NRROS: variants seen among roughly 807,000 people sequenced by gnomAD.
NRROS encodes transforming growth factor beta activator LRRC33.
NRROS carries 6 observed loss-of-function variants against 12.0 expected under a neutral mutation model. The observed-to-expected ratio is 0.50, with a 90% CI of 0.27 to 0.98. NRROS has a LOEUF of 0.98. Ranked by LOEUF, NRROS falls within the 50% of genes least tolerant of loss-of-function variation. The pLI, the probability that NRROS is intolerant of heterozygous loss-of-function variation, is 0.11. For synonymous variants in NRROS, 462 were observed against 410.2 expected (o/e 1.13, Z -1.53); for missense variants, 857 against 888.2 (o/e 0.96, Z 0.45).
In NRROS at chr3:196,654,167, G is replaced by C. The variant is rs1388414578; in HGVS notation, c.-13-360G>C. Among the ~76,000 whole-genome samples, 1 of 152,162 alleles carries C rather than the reference G, an allele frequency of 6.6e-6. No homozygotes were observed. Among genetic ancestry groups the C allele is most frequent in the African/African-American group, 2.4e-5 (1 of 41,442 alleles). Reference sequence around the variant, plus strand: ...GGATGCATCAGACCGATTGGAGCTGGAGGCAGGAAAACTTCAGCAGAATTA... The same window carrying C: ...GGATGCATCAGACCGATTGGAGCTGCAGGCAGGAAAACTTCAGCAGAATTA... On this transcript the variant is annotated intron_variant, in intron 1 of 2. Coordinates refer to ENST00000328557, the MANE Select transcript of NRROS (RefSeq NM_198565.3). This position sits in a 1 kb window ranked among gnomAD's most constrained non-coding sequence, Gnocchi z 4.4.
intron 1 of NRROS, among the ~76,000 whole-genome samples, chr3:196,647,596 T>C (rs1737336453): frequency 6.6e-6 from 1 of 152,252 alleles, no homozygotes; most frequent in Admixed American, 6.5e-5. Context: ...TCCCACTTCG[T>C]TGTCCAGGCT....
intron 1 of NRROS, among the ~76,000 whole-genome samples, chr3:196,643,087 A>G (rs897020979): frequency 2.0e-5 from 3 of 152,048 alleles, no homozygotes; most frequent in Non-Finnish European, 4.4e-5. Flanking sequence ...AAAAAAAAAA[A>G]AAAGATAATC....
rs1326793733 is a variant in NRROS, at chr3:196,660,121, C to A, written c.478C>A (p.Arg160=). The part of the protein sequence containing the change: ...ALMLQNLSSL[R]SVSLAGNTIM... ...CATGCTCCAGAACCTCTCCTCGCTG[C>A]GGTCCGTGTCCCTGGCGGGGAACAC... Residue 160 remains arginine, a synonymous_variant, in exon 3 of 3, where the codon CGG becomes AGG. Coordinates refer to ENST00000328557, the MANE Select transcript of NRROS (RefSeq NM_198565.3). This position sits in a 1 kb window ranked among gnomAD's most constrained non-coding sequence, Gnocchi z 7.7. The A allele has an allele frequency of 6.2e-7, 1 of 1,612,902 alleles. No individual in the cohort carries two copies. The highest frequency in any genetic ancestry group is 1.7e-5 in the Admixed American group (1 of 60,000).
intron 1 of NRROS, among the ~76,000 whole-genome samples, chr3:196,644,738 A>T (rs547730950): frequency 7.0e-6 from 1 of 143,046 alleles, no homozygotes; most frequent in Non-Finnish European, 1.5e-5. Flanking sequence ...GCACCATTGC[A>T]CTCCAGTCTG....
rs868389022 is a variant in NRROS at position 196,660,899 on chromosome 3, CT to C, written c.1257del (p.Gly420AlafsTer14). 2 of 1,614,172 alleles carry C rather than the reference CT, an allele frequency of 1.2e-6. No individual in the cohort carries two copies. The highest frequency in any genetic ancestry group is 1.7e-6 in the Non-Finnish European group (2 of 1,180,046). On this transcript the variant is annotated frameshift_variant, in exon 3 of 3. Transcript: ENST00000328557. LOFTEE classifies it low-confidence loss of function (END_TRUNC). This position sits in a 1 kb window ranked among gnomAD's most constrained non-coding sequence, Gnocchi z 7.7. ...TCCAACCAGCTCCTGGGCGTCCCCC[CT>C]GGCCTCTTCGCCAATGCTAGGAACA... ...LSSNQLLGVP[P>X]GLFANARNIT...
chr3:196,653,939 C>T (rs1308030586), intron 1 of NRROS, among the ~76,000 whole-genome samples: 5 of 152,140 alleles, frequency 3.3e-5, no homozygotes, highest in Non-Finnish European at 7.4e-5. Flanking sequence ...CTCCGTGTTT[C>T]CCCCGTCCAA....
Position 196,660,038 on chromosome 3 carries a change from C to G in NRROS, c.395C>G (p.Pro132Arg). ...ACGGCAGCCGCCCTCCACGCCCTGCCGGGCCTGCGGAGGCTGGACTTGTCA... is the reference window on the plus strand; with the variant it reads ...ACGGCAGCCGCCCTCCACGCCCTGCGGGGCCTGCGGAGGCTGGACTTGTCA... ...EETAAALHAL[P>R]GLRRLDLSGN... Residue 132 changes from proline to arginine, a missense_variant, in exon 3 of 3, where the codon CCG becomes CGG. By Grantham distance (103) the Pro-to-Arg change is moderately radical. Coordinates refer to ENST00000328557, the MANE Select transcript of NRROS (RefSeq NM_198565.3). This position sits in a 1 kb window ranked among gnomAD's most constrained non-coding sequence, Gnocchi z 7.7. The G allele has an allele frequency of 1.2e-6, 2 of 1,613,308 alleles. No individual in the cohort carries two copies. Among genetic ancestry groups the G allele is most frequent in the Non-Finnish European group, 1.7e-6 (2 of 1,179,930 alleles).
At chr3:196,646,325 T>C (rs755029977) in intron 1 of NRROS, among the ~76,000 whole-genome samples, 1 of 152,214 alleles carries the variant, frequency 6.6e-6, no homozygotes, top group Non-Finnish European at 1.5e-5. Flanking sequence ...CTTGTGATAC[T>C]GAAGGGAAAT....
chr3:196,640,557 C>T (rs952209116), intron 1 of NRROS, among the ~76,000 whole-genome samples: 1 of 152,086 alleles, frequency 6.6e-6, no homozygotes, highest in Non-Finnish European at 1.5e-5. Flanking sequence ...AGATCCATGG[C>T]TTATCAGAGG....
chr3:196,640,587 CGAA>C (rs1737187339), intron 1 of NRROS, among the ~76,000 whole-genome samples: 1 of 151,674 alleles, frequency 6.6e-6, no homozygotes, highest in Admixed American at 6.6e-5. Flanking sequence ...AGGAGGGCGA[CGAA>C]GACTCGGACG....
In NRROS at chr3:196,660,525, G is replaced by C; in HGVS notation, c.882G>C (p.Ser294=). 1.2e-6 allele frequency: 2 copies of C among 1,614,074 alleles called. No individual in the cohort carries two copies. The highest frequency in any genetic ancestry group is 1.7e-6 in the Non-Finnish European group (2 of 1,180,028). ...MGFYRDLYNT[S]SPREMVAQFL... is the part of the protein sequence containing the mutation. ...TCTACCGGGACCTGTACAACACCTCGTCGCCGAGGGAGATGGTGGCCCAGT... is the reference window on the plus strand; with the variant it reads ...TCTACCGGGACCTGTACAACACCTCCTCGCCGAGGGAGATGGTGGCCCAGT... Residue 294 remains serine, a synonymous_variant, in exon 3 of 3, where the codon TCG becomes TCC. Coordinates refer to ENST00000328557, the MANE Select transcript of NRROS (RefSeq NM_198565.3). The surrounding 1 kb of genome is among the most constrained non-coding windows in gnomAD (Gnocchi z 7.7).
At chr3:196,642,335 A>G (rs1298001675) in intron 1 of NRROS, among the ~76,000 whole-genome samples, 1 of 151,770 alleles carries the variant, frequency 6.6e-6, no homozygotes, top group African/African-American at 2.4e-5. Flanking sequence ...TGAAAAGTGT[A>G]TGGGCAATAG....
At chr3:196,655,483 C>T (rs1249151816) in intron 2 of NRROS, among the ~76,000 whole-genome samples, 2 of 150,674 alleles carry the variant, frequency 1.3e-5, no homozygotes, top group Non-Finnish European at 3.0e-5. Flanking sequence ...TGCAGTGAGC[C>T]GAGATCACAC....
chr3:196,654,800 G>A lies in NRROS; in HGVS notation c.108+153G>A. 1 of 594,532 alleles carries A rather than the reference G, an allele frequency of 1.7e-6. No homozygotes were observed. Among genetic ancestry groups the A allele is most frequent in the Non-Finnish European group, 3.0e-6 (1 of 336,436 alleles). 36.8% of individuals were successfully genotyped at this position (594,532 alleles called of 1,614,324 possible). A position where few individuals can be genotyped will look rare whatever the true frequency, so the allele number is the denominator to read the frequency against. ...GCCTAGCACAGGGGCATGTGCAGCT[G>A]CCCTTTAACCACAGGATTTTAAGAT... On this transcript the variant is annotated intron_variant, in intron 2 of 2. Transcript: ENST00000328557. This position sits in a 1 kb window ranked among gnomAD's most constrained non-coding sequence, Gnocchi z 4.4.
intron 2 of NRROS, among the ~76,000 whole-genome samples, chr3:196,658,969 C>CA (rs1054119984): frequency 1.3e-4 from 20 of 151,920 alleles, no homozygotes; most frequent in South Asian, 4.2e-4. Flanking sequence ...GACTTCATCT[C>CA]AAAAAAACAA....
At chr3:196,641,140 AAAAACAAAACAAAAC>A (rs141716665) in intron 1 of NRROS, among the ~76,000 whole-genome samples, 7 of 150,458 alleles carry the variant, frequency 4.7e-5, no homozygotes, top group East Asian at 1.9e-4. Context: ...TTTAGGTTAA[AAAAACAAAACAAAAC>A]AAAACAAAAC....
chr3:196,642,100 G>C (rs187460773), intron 1 of NRROS, among the ~76,000 whole-genome samples: 14 of 152,084 alleles, frequency 9.2e-5, no homozygotes, highest in African/African-American at 3.4e-4. Context: ...TCTGTGATGG[G>C]GCTCAGGGCT....
chr3:196,650,211 G>C (rs113615401), intron 1 of NRROS, among the ~76,000 whole-genome samples: 4,581 of 152,252 alleles, frequency 0.03, 96 homozygotes, highest in South Asian at 0.067. Context: ...GCAATAGCGA[G>C]ATCTCTGCTC....
chr3:196,652,682 G>A (rs141609005), intron 1 of NRROS, among the ~76,000 whole-genome samples: 54 of 152,302 alleles, frequency 3.5e-4, no homozygotes, highest in African/African-American at 1.2e-3. Context: ...AAATTAAAAT[G>A]CCCCTCCTGA....
Sources: allele counts gnomAD v4.1 joint callset (sites outside exome capture counted in the v4.1 genomes callset), GRCh38; gene constraint gnomAD v4.1.1; non-coding constraint Gnocchi (gnomAD v3.1); transcripts MANE v1.5; gene names NCBI Gene and HGNC (gene_info 2026-07-23, HGNC 2026-07-21).